IGSF21: variants seen among roughly 807,000 people sequenced by gnomAD.
IGSF21 encodes the protein immunoglobin superfamily member 21, also known as immunoglobulin superfamily member 21.
Under a neutral mutation model 46.8 loss-of-function variants are expected in IGSF21, and 28 were observed. That is an observed-to-expected ratio of 0.60 (90% confidence interval 0.44 to 0.82). The LOEUF (loss-of-function observed/expected upper bound fraction) is 0.82. IGSF21 is among the 40% of genes least tolerant of loss of function. IGSF21 has a pLI of 0.00. For missense variants in IGSF21, 624 were observed against 665.5 expected (o/e 0.94, Z 0.69); for synonymous variants, 284 against 273.6 (o/e 1.04, Z -0.38).
At chr1:18,258,252 G>T (rs1400512298) in intron 2 of IGSF21, among the ~76,000 whole-genome samples, 1 of 152,158 alleles carries the variant, frequency 6.6e-6, no homozygotes, top group Non-Finnish European at 1.5e-5. Context: ...CTCTTCTAGG[G>T]GGTGTTTGGG....
Position 18,377,427 on chromosome 1 carries a change from T to C in IGSF21, c.1329T>C (p.Ser443=), listed in dbSNP as rs765511884. 1.2e-6 allele frequency: 2 copies of C among 1,613,064 alleles called. No individual in the cohort carries two copies. The highest frequency in any genetic ancestry group is 1.7e-6 in the Non-Finnish European group (2 of 1,178,980). The change falls in exon 9 of 10, where the codon TCT becomes TCC. Residue 443 remains serine, a synonymous_variant. Coordinates refer to ENST00000251296, the MANE Select transcript of IGSF21 (RefSeq NM_032880.5). ...ATATCCCAAGAGGAACGGAGGACTC[T>C]AATGGTAAGTCTCTACCCTCAGGAT... ...NPNIPRGTED[S]NGSIGPTGAR...
chr1:18,372,488 A>G (rs756420119), intron 6 of IGSF21, among the ~76,000 whole-genome samples: 8 of 151,826 alleles, frequency 5.3e-5, no homozygotes, highest in Non-Finnish European at 7.4e-5. Context: ...TAGATGAATG[A>G]ATAAAATGAA....
intron 3 of IGSF21, among the ~76,000 whole-genome samples, chr1:18,292,900 C>T (rs138756611): frequency 6.6e-6 from 1 of 152,354 alleles, no homozygotes; most frequent in Non-Finnish European, 1.5e-5. Context: ...ACACACTCTT[C>T]CACGCCACAC....
chr1:18,304,114 G>A (rs1181327952), intron 3 of IGSF21, among the ~76,000 whole-genome samples: 1 of 152,156 alleles, frequency 6.6e-6, no homozygotes, highest in African/African-American at 2.4e-5. Context: ...GGCTGGAAGG[G>A]GGACACCAGA....
At chr1:18,242,811 C>A (rs974211063) in intron 2 of IGSF21, among the ~76,000 whole-genome samples, 4 of 152,244 alleles carry the variant, frequency 2.6e-5, no homozygotes, top group Non-Finnish European at 5.9e-5. Context: ...AGGTAGAGAA[C>A]TAACACCTGC....
chr1:18,206,201 T>C (rs2084319933), intron 1 of IGSF21, among the ~76,000 whole-genome samples: 1 of 152,170 alleles, frequency 6.6e-6, no homozygotes, highest in Non-Finnish European at 1.5e-5. Context: ...GGTTATGACA[T>C]TGAACAGAGA....
At chr1:18,374,619 C>T (rs1034277659) in intron 6 of IGSF21, among the ~76,000 whole-genome samples, 2 of 152,280 alleles carry the variant, frequency 1.3e-5, no homozygotes, top group Admixed American at 1.3e-4. Context: ...GCTCTTCCCA[C>T]GGATGCTTCC....
Position 18,156,377 on chromosome 1 carries a change from TCTC to T in IGSF21, c.70+48186_70+48188del, listed in dbSNP as rs1251190726. ...CCTCACACTTCATGCCCACTCTGCG[TCTC>T]CTCCTCTTCTCTCTGCAGATGGAGA... On this transcript the variant is annotated intron_variant, in intron 1 of 9. Coordinates refer to ENST00000251296, the MANE Select transcript of IGSF21 (RefSeq NM_032880.5). Among the ~76,000 whole-genome samples, 14 of 152,272 alleles carry T rather than the reference TCTC, an allele frequency of 9.2e-5. No individual in the cohort carries two copies. In the East Asian group the frequency reaches 2.5e-3, roughly 27 times the overall value.
intron 2 of IGSF21, among the ~76,000 whole-genome samples, chr1:18,257,198 C>T (rs930965747): frequency 6.6e-6 from 1 of 152,160 alleles, no homozygotes; most frequent in African/African-American, 2.4e-5. Context: ...AAAACACACG[C>T]TTTATTTTCA....
chr1:18,150,417 T>C (rs987428037), intron 1 of IGSF21, among the ~76,000 whole-genome samples: 2 of 139,998 alleles, frequency 1.4e-5, no homozygotes, highest in Admixed American at 7.2e-5. Flanking sequence ...GCGGGGGGGG[T>C]CTCAGGATAC....
At chr1:18,324,766 C>T (rs472714) in intron 3 of IGSF21, among the ~76,000 whole-genome samples, 3 of 151,994 alleles carry the variant, frequency 2.0e-5, no homozygotes, top group Non-Finnish European at 2.9e-5. Context: ...ATGGCCCCAC[C>T]CCTCCCGGAG....
intron 2 of IGSF21, among the ~76,000 whole-genome samples, chr1:18,242,743 A>T (rs2084744667): frequency 1.3e-5 from 2 of 152,234 alleles, no homozygotes; most frequent in South Asian, 4.1e-4. Flanking sequence ...CCTGTCTGAA[A>T]TCGCAGGCTC....
intron 2 of IGSF21, among the ~76,000 whole-genome samples, chr1:18,238,815 C>T (rs562479301): frequency 6.6e-6 from 1 of 152,356 alleles, no homozygotes; most frequent in East Asian, 1.9e-4. Flanking sequence ...CTGGGACACA[C>T]CATCCTGCTG....
intron 2 of IGSF21, among the ~76,000 whole-genome samples, chr1:18,245,201 T>G (rs2084773163): frequency 6.6e-6 from 1 of 152,214 alleles, no homozygotes; most frequent in Admixed American, 6.5e-5. Flanking sequence ...AAATATTCTT[T>G]TTTGTTATGA....
intron 4 of IGSF21, among the ~76,000 whole-genome samples, chr1:18,355,947 T>C (rs565305369): frequency 4.2e-4 from 64 of 150,638 alleles, no homozygotes; most frequent in African/African-American, 1.5e-3. Context: ...GCGATTCTCC[T>C]GCCTCATCCT....
chr1:18,139,618 G>C (rs185331727), intron 1 of IGSF21, among the ~76,000 whole-genome samples: 1 of 152,364 alleles, frequency 6.6e-6, no homozygotes, highest in Non-Finnish European at 1.5e-5. Context: ...CTCTGGGACA[G>C]GTCTCTGGGT....
chr1:18,233,328 C>T (rs143106559), intron 2 of IGSF21, among the ~76,000 whole-genome samples: 2 of 152,228 alleles, frequency 1.3e-5, no homozygotes, highest in Admixed American at 6.5e-5. Context: ...GCCAGGTGAT[C>T]GTCCCCTCTG....
chr1:18,151,118 C>T (rs1029168444), intron 1 of IGSF21, among the ~76,000 whole-genome samples: 2 of 152,210 alleles, frequency 1.3e-5, no homozygotes, highest in Non-Finnish European at 2.9e-5. Context: ...GCTGTATCCT[C>T]TGTGTGGAGG....
chr1:18,220,195 A>ATGGTG (rs1400527341), intron 1 of IGSF21, among the ~76,000 whole-genome samples: 2 of 152,118 alleles, frequency 1.3e-5, no homozygotes, highest in African/African-American at 4.8e-5. Flanking sequence ...CTGCTGACGC[A>ATGGTG]TGGTTAACGT....
Sources: gnomAD v4.1 joint callset for allele counts (sites outside exome capture counted in the v4.1 genomes callset) on GRCh38, gnomAD v4.1.1 for gene constraint, MANE v1.5 for transcripts, NCBI Gene and HGNC (gene_info 2026-07-23, HGNC 2026-07-21) for gene names.